Variants in SH3RF1 observed in about 807,000 individuals in gnomAD.
SH3RF1 encodes the protein SH3 domain containing ring finger 1.
In SH3RF1, 32 loss-of-function variants were observed where a neutral mutation model predicts 74.0. The ratio of observed to expected loss-of-function variants is 0.43; its 90% CI spans 0.33 to 0.58. The LOEUF (loss-of-function observed/expected upper bound fraction) is 0.58. Ranked by LOEUF, SH3RF1 falls within the 20% of genes least tolerant of loss-of-function variation. The pLI is 0.05. For missense variants in SH3RF1, 954 were observed against 1,130.9 expected (o/e 0.84, Z 2.24); for synonymous variants, 396 against 439.6 (o/e 0.90, Z 1.24).
chr4:169,123,909 T>C (rs1180304666), intron 6 of SH3RF1, among the ~76,000 whole-genome samples: 1 of 151,816 alleles, frequency 6.6e-6, no homozygotes. Context: ...AAAAAAATTG[T>C]TATAGCTCTG....
At chr4:169,226,752 C>T (rs557620359) in intron 2 of SH3RF1, among the ~76,000 whole-genome samples, 2 of 152,288 alleles carry the variant, frequency 1.3e-5, no homozygotes, top group East Asian at 3.9e-4. Context: ...CCAAAACTGT[C>T]AGTGAAGCTA....
intron 2 of SH3RF1, among the ~76,000 whole-genome samples, chr4:169,180,925 C>T (rs1293768360): frequency 6.6e-6 from 1 of 152,126 alleles, no homozygotes; most frequent in Non-Finnish European, 1.5e-5. Flanking sequence ...TCAGCACTAG[C>T]CGGACGAAGG....
intron 2 of SH3RF1, among the ~76,000 whole-genome samples, chr4:169,231,113 T>C (rs1730731938): frequency 6.6e-6 from 1 of 152,162 alleles, no homozygotes. Context: ...ACTTACCTCA[T>C]GGGGTTGTTG....
At chr4:169,232,767 T>C (rs2127008050) in intron 2 of SH3RF1, among the ~76,000 whole-genome samples, 1 of 152,282 alleles carries the variant, frequency 6.6e-6, no homozygotes, top group South Asian at 2.1e-4. Context: ...TGGCTGCTAC[T>C]AGATATGTTT....
rs2126931485 is a variant in SH3RF1, at chr4:169,095,364, A to G, written c.*1155T>C. ...AGAAGAGAACACTGTTTATTTTTAC[A>G]CCTCCTGAATTGGTCAATTCTGAGT... On this transcript the variant is annotated 3_prime_UTR_variant, in exon 12 of 12. Transcript: ENST00000284637. 6.5e-6 allele frequency: 1 copy of G among 152,680 alleles called. No individual in the cohort carries two copies. Among genetic ancestry groups the G allele is most frequent in the Admixed American group, 6.5e-5 (1 of 15,298 alleles). The allele number at this position is 152,680 out of a possible 1,614,324, so 9.5% of individuals were successfully genotyped here.
chr4:169,192,922 T>TATATATCATATATATGTG (rs141797976), intron 2 of SH3RF1, among the ~76,000 whole-genome samples: 6 of 43,918 alleles, frequency 1.4e-4, no homozygotes, highest in Non-Finnish European at 4.1e-4. Context: ...ATATATGTGA[T>TATATATCATATATATGTG]ATATATATAT....
chr4:169,183,587 AT>A (rs529010927), intron 2 of SH3RF1, among the ~76,000 whole-genome samples: 7 of 151,392 alleles, frequency 4.6e-5, no homozygotes, highest in Admixed American at 1.3e-4. Flanking sequence ...AGCCAAAACA[AT>A]TTTTTTTTAA....
intron 2 of SH3RF1, among the ~76,000 whole-genome samples, chr4:169,259,849 T>C (rs1327974989): frequency 6.6e-6 from 1 of 152,248 alleles, no homozygotes; most frequent in Non-Finnish European, 1.5e-5. Flanking sequence ...CTATCACAAG[T>C]ACATCTCACT....
intron 2 of SH3RF1, among the ~76,000 whole-genome samples, chr4:169,214,808 C>CACAA (rs1428016450): frequency 6.6e-6 from 1 of 152,012 alleles, no homozygotes; most frequent in African/African-American, 2.4e-5. Context: ...ACCTTGTATC[C>CACAA]TTCAACCTTG....
intron 2 of SH3RF1, among the ~76,000 whole-genome samples, chr4:169,185,968 C>T (rs1734595526): frequency 6.6e-6 from 1 of 152,194 alleles, no homozygotes; most frequent in Non-Finnish European, 1.5e-5. Context: ...CCCATACACT[C>T]TCCACCGCCT....
intron 2 of SH3RF1, among the ~76,000 whole-genome samples, chr4:169,203,147 T>C (rs1579135224): frequency 6.6e-6 from 1 of 152,344 alleles, no homozygotes; most frequent in Middle Eastern, 3.4e-3. Flanking sequence ...CTTAAGAACA[T>C]GCTGTTATTT....
intron 2 of SH3RF1, among the ~76,000 whole-genome samples, chr4:169,212,141 T>A (rs1400753090): frequency 7.3e-6 from 1 of 136,824 alleles, no homozygotes; most frequent in Non-Finnish European, 1.5e-5. Context: ...ATCAGCTCAC[T>A]GCAACCCCCG....
At chr4:169,217,476 G>C (rs1289053597) in intron 2 of SH3RF1, 3 of 152,334 alleles carry the variant, frequency 2.0e-5, no homozygotes, top group South Asian at 4.1e-4. Flanking sequence ...CAAAATCAAG[G>C]AAAGTCAGTT....
intron 2 of SH3RF1, among the ~76,000 whole-genome samples, chr4:169,182,882 TTAG>T (rs1734535494): frequency 6.6e-6 from 1 of 152,192 alleles, no homozygotes; most frequent in Non-Finnish European, 1.5e-5. Context: ...AAGGTGGTTT[TTAG>T]TAGTTTTAGT....
intron 2 of SH3RF1, among the ~76,000 whole-genome samples, chr4:169,180,789 T>C (rs1352082705): frequency 1.3e-5 from 2 of 152,126 alleles, no homozygotes; most frequent in Non-Finnish European, 2.9e-5. Context: ...AACTTCAATA[T>C]AAACAACAAA....
At chr4:169,210,745 C>T in intron 2 of SH3RF1, among the ~76,000 whole-genome samples, 1 of 152,130 alleles carries the variant, frequency 6.6e-6, no homozygotes, top group Non-Finnish European at 1.5e-5. Flanking sequence ...AAAGGCTGTT[C>T]CAATATCATA....
Position 169,096,510 on chromosome 4 carries a change from T to C in SH3RF1, c.*9A>G, listed in dbSNP as rs1732934081. 1.2e-6 allele frequency: 2 copies of C among 1,611,796 alleles called. No homozygotes were observed. Among genetic ancestry groups the C allele is most frequent in the East Asian group, 2.2e-5 (1 of 44,864 alleles). ...GAAGTGATTTTAAGCTTCTTCAGTG[T>C]CAGTCTCCTCATATGTTTTCCACAA... On this transcript the variant is annotated 3_prime_UTR_variant, in exon 12 of 12. Coordinates refer to ENST00000284637, the MANE Select transcript of SH3RF1 (RefSeq NM_020870.4).
chr4:169,184,976 G>A (rs1315088774), intron 2 of SH3RF1, among the ~76,000 whole-genome samples: 1 of 152,132 alleles, frequency 6.6e-6, no homozygotes, highest in Admixed American at 6.5e-5. Context: ...AGGACCACGA[G>A]GATAAAAGCC....
intron 2 of SH3RF1, among the ~76,000 whole-genome samples, chr4:169,218,379 G>A (rs570774431): frequency 2.6e-4 from 35 of 134,816 alleles, no homozygotes; most frequent in African/African-American, 9.2e-4. Flanking sequence ...ATAGAATATA[G>A]AATATATATA....
Sources: gnomAD v4.1 joint callset for allele counts (sites outside exome capture counted in the v4.1 genomes callset) on GRCh38, gnomAD v4.1.1 for gene constraint, MANE v1.5 for transcripts, NCBI Gene and HGNC (gene_info 2026-07-23, HGNC 2026-07-21) for gene names.